The following TRPM3 variants were observed in gnomAD, a reference collection of about 807,000 sequenced individuals.
The protein encoded by TRPM3 is transient receptor potential cation channel subfamily M member 3.
Under a neutral mutation model 181.2 loss-of-function variants are expected in TRPM3, and 77 were observed. The ratio of observed to expected loss-of-function variants is 0.42; its 90% CI spans 0.35 to 0.51. The LOEUF is 0.51. Among genes scored for constraint, TRPM3 ranks in the 20% least tolerant of loss-of-function variants. TRPM3 has a pLI of 0.01. For synonymous variants in TRPM3, 745 were observed against 796.4 expected (o/e 0.94, Z 1.09); for missense variants, 1,759 against 2,196.7 (o/e 0.80, Z 3.98).
At chr9:71,121,714 G>C (rs547865990), upstream of TRPM3, 28 of 861,942 alleles carry the variant, frequency 3.2e-5, no homozygotes, top group Non-Finnish European at 3.9e-5. Flanking sequence ...GTTTGGGGGG[G>C]AGCCAGGAGG....
At chr9:70,988,149 A>C (rs1209512080) in intron 1 of TRPM3, among the ~76,000 whole-genome samples, 2 of 152,172 alleles carry the variant, frequency 1.3e-5, no homozygotes, top group Non-Finnish European at 2.9e-5. Flanking sequence ...AAGAGTTCTT[A>C]AATTTAAGAT....
intron 1 of TRPM3, among the ~76,000 whole-genome samples, chr9:71,248,902 T>C (rs1465161652): frequency 2.0e-5 from 3 of 152,164 alleles, no homozygotes; most frequent in Admixed American, 2.0e-4. Flanking sequence ...CTTAAAGATA[T>C]ACAGATAAAA....
At chr9:71,002,203 T>C (rs1162786994) in intron 1 of TRPM3, among the ~76,000 whole-genome samples, 3 of 152,244 alleles carry the variant, frequency 2.0e-5, no homozygotes, top group Non-Finnish European at 4.4e-5. Context: ...TCCGTTCGCC[T>C]AGTTAACTCT....
At chr9:71,084,275 T>C (rs763992116) in intron 1 of TRPM3, among the ~76,000 whole-genome samples, 3 of 152,012 alleles carry the variant, frequency 2.0e-5, no homozygotes, top group Non-Finnish European at 4.4e-5. Flanking sequence ...AAATAAAAAC[T>C]GCTCTAAGAA....
At chr9:71,199,504 G>A (rs1220077846) in intron 1 of TRPM3, among the ~76,000 whole-genome samples, 1 of 151,880 alleles carries the variant, frequency 6.6e-6, no homozygotes, top group Non-Finnish European at 1.5e-5. Flanking sequence ...ATCTGGTCCT[G>A]GACTCTTTTT....
At chr9:71,241,761 A>G (rs939664027) in intron 1 of TRPM3, among the ~76,000 whole-genome samples, 4 of 152,120 alleles carry the variant, frequency 2.6e-5, no homozygotes, top group African/African-American at 9.7e-5. Context: ...ATACTATAAA[A>G]CCTAAACTCA....
rs568610985 is a variant in TRPM3 at position 71,120,688 on chromosome 9, T to C, written c.177+490A>G. ...CATTCTTTGTTCATCTTCACCTGAC[T>C]GGCCACCTAACTACACAAAGCTTTT... is the stretch of plus-strand genomic sequence containing the variant. On this transcript the variant is annotated intron_variant, in intron 1 of 25. Transcript: ENST00000677713. Among the ~76,000 whole-genome samples the C allele has an allele frequency of 9.2e-5, 14 of 152,282 alleles. No homozygotes were observed. In the South Asian group the frequency reaches 2.9e-3, roughly 32 times the overall value.
At chr9:70,961,291 T>C (rs562098253) in intron 1 of TRPM3, among the ~76,000 whole-genome samples, 1 of 59,206 alleles carries the variant, frequency 1.7e-5, no homozygotes, top group East Asian at 3.4e-4. Flanking sequence ...CCAGAAGACA[T>C]ACAGCTCTGC....
intron 6 of TRPM3, among the ~76,000 whole-genome samples, chr9:70,805,177 G>A (rs2090352540): frequency 7.1e-6 from 1 of 141,334 alleles, no homozygotes; most frequent in Non-Finnish European, 1.5e-5. Context: ...AAGAGAGGGA[G>A]AAGAGAGGCA....
intron 1 of TRPM3, among the ~76,000 whole-genome samples, chr9:71,068,763 G>A (rs2062288179): frequency 6.6e-6 from 1 of 152,132 alleles, no homozygotes; most frequent in Non-Finnish European, 1.5e-5. Context: ...ATTTTCAAAG[G>A]CATCAAATGA....
chr9:70,781,508 T>C (rs1037298349), intron 7 of TRPM3, among the ~76,000 whole-genome samples: 1 of 151,772 alleles, frequency 6.6e-6, no homozygotes, highest in Non-Finnish European at 1.5e-5. Context: ...CCAATAGTAA[T>C]AATAATAATA....
intron 1 of TRPM3, among the ~76,000 whole-genome samples, chr9:71,219,936 G>T (rs995778086): frequency 6.6e-6 from 1 of 152,112 alleles, no homozygotes; most frequent in Non-Finnish European, 1.5e-5. Flanking sequence ...GATTTTTATT[G>T]TAATTTCAAA....
chr9:71,300,109 C>T (rs1374697753), intron 1 of TRPM3, among the ~76,000 whole-genome samples: 1 of 152,026 alleles, frequency 6.6e-6, no homozygotes, highest in Non-Finnish European at 1.5e-5. Context: ...TGACACTGTT[C>T]CTTATTTCAT....
intron 1 of TRPM3, among the ~76,000 whole-genome samples, chr9:70,895,586 T>C (rs1564708249): frequency 6.6e-6 from 1 of 152,176 alleles, no homozygotes; most frequent in Admixed American, 6.5e-5. Context: ...ATGAGCAAAT[T>C]CCCAGTATTA....
intron 20 of TRPM3, among the ~76,000 whole-genome samples, chr9:70,602,512 G>A (rs1268659467): frequency 6.6e-6 from 1 of 152,158 alleles, no homozygotes; most frequent in Non-Finnish European, 1.5e-5. Context: ...TCCAGAAAGG[G>A]CCTGTCCTGC....
intron 1 of TRPM3, among the ~76,000 whole-genome samples, chr9:71,116,099 T>C (rs1056252720): frequency 6.6e-6 from 1 of 152,252 alleles, no homozygotes; most frequent in Non-Finnish European, 1.5e-5. Context: ...CATGTTTTCC[T>C]AAAAGCAGTT....
At chr9:71,344,687 A>C (rs978356426) in intron 1 of TRPM3, among the ~76,000 whole-genome samples, 1 of 152,184 alleles carries the variant, frequency 6.6e-6, no homozygotes, top group Non-Finnish European at 1.5e-5. Context: ...ACAGATTCAG[A>C]TTTCTTAGCT....
At chr9:71,440,655 A>G (rs899406877) in intron 1 of TRPM3, among the ~76,000 whole-genome samples, 1 of 152,200 alleles carries the variant, frequency 6.6e-6, no homozygotes, top group African/African-American at 2.4e-5. Context: ...GTCACTTTGC[A>G]TATTTCTTGT....
intron 1 of TRPM3, among the ~76,000 whole-genome samples, chr9:71,168,348 C>A (rs1389136575): frequency 6.6e-6 from 1 of 151,962 alleles, no homozygotes; most frequent in Non-Finnish European, 1.5e-5. Context: ...ACCATCTGTT[C>A]TCTCTGAATC....
Sources: gnomAD v4.1 joint callset for allele counts (sites outside exome capture counted in the v4.1 genomes callset) on GRCh38, gnomAD v4.1.1 for gene constraint, MANE v1.5 for transcripts, NCBI Gene and HGNC (gene_info 2026-07-23, HGNC 2026-07-21) for gene names.